The following SINHCAF variants were observed in gnomAD, a reference collection of about 807,000 sequenced individuals.
The protein encoded by SINHCAF is SIN3-HDAC complex-associated factor.
In SINHCAF, 3 loss-of-function variants were observed where a neutral mutation model predicts 25.8. The observed-to-expected ratio is 0.12, with a 90% CI of 0.05 to 0.30. The LOEUF is 0.30. Among genes scored for constraint, SINHCAF ranks in the 10% least tolerant of loss-of-function variants. SINHCAF has a pLI of 1.00. For synonymous variants in SINHCAF, 70 were observed against 85.5 expected, an observed-to-expected ratio of 0.82 and a Z score of 1.00; for missense variants, 121 against 262.3, an observed-to-expected ratio of 0.46 and a Z score of 3.72.
At chr12:31,317,996 T>A (rs1408752771) in intron 1 of SINHCAF, among the ~76,000 whole-genome samples, 1 of 152,080 alleles carries the variant, frequency 6.6e-6, no homozygotes, top group Non-Finnish European at 1.5e-5. Flanking sequence ...CACGAAAAAA[T>A]ACTCGCGATC....
At chr12:31,319,888 C>T (rs1452349662) in intron 1 of SINHCAF, among the ~76,000 whole-genome samples, 1 of 152,150 alleles carries the variant, frequency 6.6e-6, no homozygotes, top group East Asian at 1.9e-4. Flanking sequence ...TCTGCTCTTC[C>T]TCTATTTACC....
intron 4 of SINHCAF, among the ~76,000 whole-genome samples, chr12:31,290,511 C>T (rs1020089249): frequency 1.3e-5 from 2 of 152,002 alleles, no homozygotes; most frequent in East Asian, 1.9e-4. Flanking sequence ...AAGAAAGCCC[C>T]GTTAGTATTT....
chr12:31,309,905 G>A (rs866125922), intron 1 of SINHCAF, among the ~76,000 whole-genome samples: 3 of 152,012 alleles, frequency 2.0e-5, no homozygotes, highest in Non-Finnish European at 2.9e-5. Flanking sequence ...GAGCTCAGGT[G>A]ATCCACCTGC....
chr12:31,325,044 C>T lies in SINHCAF; in HGVS notation c.-21+980G>A. ...AGGGTCGCAGCCCGAAGCACGTGGT[C>T]TGTCACGTAGAGCACAAAAAGCAGT... On this transcript the variant is annotated intron_variant, in intron 1 of 5. Transcript: ENST00000337682. The surrounding 1 kb of genome is among the most constrained non-coding windows in gnomAD (Gnocchi z 5.9). 1 of 456,846 alleles carries T rather than the reference C, an allele frequency of 2.2e-6. No homozygotes were observed. Among genetic ancestry groups the T allele is most frequent in the Non-Finnish European group, 4.4e-6 (1 of 227,002 alleles). The allele number at this position is 456,846 out of a possible 1,614,324, so 28.3% of individuals were successfully genotyped here.
chr12:31,292,182 T>C (rs538400261), intron 4 of SINHCAF, among the ~76,000 whole-genome samples: 2 of 152,178 alleles, frequency 1.3e-5, no homozygotes, highest in South Asian at 4.2e-4. Context: ...AAAAGAAAAT[T>C]AATGTTTCCC....
At chr12:31,288,374 AGAGGCT>A (rs376382756) in intron 4 of SINHCAF, among the ~76,000 whole-genome samples, 1 of 152,332 alleles carries the variant, frequency 6.6e-6, no homozygotes, top group African/African-American at 2.4e-5. Flanking sequence ...TAACCCCAGC[AGAGGCT>A]GAGGTGAAGA....
In SINHCAF at chr12:31,324,117, G is replaced by A; in HGVS notation, c.-21+1907C>T. On this transcript the variant is annotated intron_variant, in intron 1 of 5. Coordinates refer to ENST00000337682, the MANE Select transcript of SINHCAF (RefSeq NM_001135812.2). The surrounding 1 kb of genome is among the most constrained non-coding windows in gnomAD (Gnocchi z 5.5). ...GGCGAGGGCGAGGGCAGCGGGAGGT[G>A]AACCGCGTCGCTCGCCGCCACCTCC... is the stretch of plus-strand genomic sequence containing the variant. 6.6e-6 allele frequency: 3 copies of A among 452,332 alleles called. No individual in the cohort carries two copies. The highest frequency in any genetic ancestry group is 1.3e-5 in the Non-Finnish European group (3 of 225,750). The allele number at this position is 452,332 out of a possible 1,614,324, so 28.0% of individuals were successfully genotyped here.
intron 1 of SINHCAF, among the ~76,000 whole-genome samples, chr12:31,313,619 G>A (rs1280970540): frequency 6.6e-6 from 1 of 152,172 alleles, no homozygotes; most frequent in Non-Finnish European, 1.5e-5. Context: ...ATATCTGGGT[G>A]TATATGTGTA....
chr12:31,287,587 ATAAT>A (rs1938132390), intron 5 of SINHCAF, 43 bp downstream of exon 5: 1 of 1,450,234 alleles, frequency 6.9e-7, no homozygotes, highest in African/African-American at 1.4e-5. Flanking sequence ...AATACTGCCC[ATAAT>A]TAAGATGGTT....
At chr12:31,315,599 T>C (rs960755405) in intron 1 of SINHCAF, among the ~76,000 whole-genome samples, 40 of 152,218 alleles carry the variant, frequency 2.6e-4, no homozygotes, top group Non-Finnish European at 1.3e-4. Flanking sequence ...AGTTAAAACA[T>C]GCCTATTTAT....
intron 1 of SINHCAF, among the ~76,000 whole-genome samples, chr12:31,313,393 C>G (rs1939360510): frequency 6.6e-6 from 1 of 152,212 alleles, no homozygotes; most frequent in African/African-American, 2.4e-5. Context: ...GGGGCTGTAT[C>G]TGAATGCTCT....
chr12:31,314,454 A>G (rs1489955962), intron 1 of SINHCAF, among the ~76,000 whole-genome samples: 1 of 152,012 alleles, frequency 6.6e-6, no homozygotes, highest in African/African-American at 2.4e-5. Context: ...CGAACCCGGG[A>G]GGCGGAGTTT....
At chr12:31,311,166 A>G (rs1193592897) in intron 1 of SINHCAF, among the ~76,000 whole-genome samples, 2 of 152,154 alleles carry the variant, frequency 1.3e-5, no homozygotes, top group African/African-American at 4.8e-5. Flanking sequence ...TGAAAAAAAC[A>G]AGGGAATGGC....
chr12:31,307,352 T>C (rs908985994), intron 1 of SINHCAF, among the ~76,000 whole-genome samples: 3 of 152,112 alleles, frequency 2.0e-5, no homozygotes, highest in African/African-American at 4.8e-5. Context: ...GCCCAGGAGT[T>C]TGAGACCAGC....
rs530613540 is a variant in SINHCAF, at chr12:31,287,110, G to A, written c.506+524C>T. 3.3e-5 allele frequency among the ~76,000 whole-genome samples: 5 copies of A among 152,094 alleles called. No homozygotes were observed. The East Asian group carries it at 7.7e-4, about 23-fold the overall frequency. On this transcript the variant is annotated intron_variant, in intron 5 of 5. Transcript: ENST00000337682. ...ATCAATTTATTATGAGATTATCTCC[G>A]TTTTTCACTTTTTCTTGAGACAGCT...
chr12:31,300,666 G>C (rs1428049983), intron 1 of SINHCAF, among the ~76,000 whole-genome samples: 2 of 152,160 alleles, frequency 1.3e-5, no homozygotes, highest in East Asian at 3.8e-4. Context: ...AAAAAACAAT[G>C]TCAAATGACA....
chr12:31,298,205 C>CT lies in SINHCAF; in HGVS notation c.-2dup, dbSNP rs749939606. On this transcript the variant is annotated 5_prime_UTR_variant, in exon 2 of 6. Coordinates refer to ENST00000337682, the MANE Select transcript of SINHCAF (RefSeq NM_001135812.2). ...TCTTTGGCTTGTGAAAACCAAACAT[C>CT]TTTTCTTCTGGGCAATAGTCTGTAA... The CT allele has an allele frequency of 3.1e-6, 5 of 1,613,950 alleles. No individual in the cohort carries two copies. In the South Asian group the frequency reaches 5.5e-5, roughly 18 times the overall value.
intron 1 of SINHCAF, among the ~76,000 whole-genome samples, chr12:31,310,051 G>A (rs1939204130): frequency 6.6e-6 from 1 of 152,030 alleles, no homozygotes; most frequent in African/African-American, 2.4e-5. Context: ...CCCACTTTAA[G>A]GAAAAAGAGA....
chr12:31,295,806 A>AATC (rs1938523310), intron 2 of SINHCAF, among the ~76,000 whole-genome samples: 1 of 152,018 alleles, frequency 6.6e-6, no homozygotes, highest in African/African-American at 2.4e-5. Context: ...CAGGAAGCAG[A>AATC]GGTTGCAGTG....
Sources: gnomAD v4.1 joint callset for allele counts (sites outside exome capture counted in the v4.1 genomes callset) on GRCh38, gnomAD v4.1.1 for gene constraint, Gnocchi (gnomAD v3.1) non-coding constraint, MANE v1.5 for transcripts, NCBI Gene and HGNC (gene_info 2026-07-23, HGNC 2026-07-21) for gene names.